Variants in MAG observed in about 807,000 individuals in gnomAD.
The protein encoded by MAG is myelin-associated glycoprotein.
MAG carries 30 observed loss-of-function variants against 60.7 expected under a neutral mutation model. That is an observed-to-expected ratio of 0.49 (90% CI 0.37 to 0.67). MAG has a LOEUF of 0.67. Ranked by LOEUF, MAG falls within the 30% of genes least tolerant of loss-of-function variation. The pLI is 0.00. For synonymous variants in MAG, 384 were observed against 376.8 expected (o/e 1.02, Z -0.22); for missense variants, 795 against 851.7 (o/e 0.93, Z 0.83).
At chr19:35,308,543 G>T (rs2066501530) in intron 7 of MAG, among the ~76,000 whole-genome samples, 3 of 151,962 alleles carry the variant, frequency 2.0e-5, no homozygotes, top group African/African-American at 7.3e-5. Flanking sequence ...ACCAGCATGG[G>T]GAACATAGCA....
rs201161483 is a variant in MAG, at chr19:35,313,488, C to T, written c.*34C>T. 1 of 1,571,726 alleles carries T rather than the reference C, an allele frequency of 6.4e-7. No homozygotes were observed. Among genetic ancestry groups the T allele is most frequent in the Non-Finnish European group, 8.6e-7 (1 of 1,160,562 alleles). ...GGGGCAGCCTGCGTGGCTGACCCCC[C>T]TCAGGACCCTCGCTGGCCCCCACTG... On this transcript the variant is annotated 3_prime_UTR_variant, in exon 11 of 11. Coordinates refer to ENST00000392213, the MANE Select transcript of MAG (RefSeq NM_002361.4).
chr19:35,308,601 T>G (rs1365095443), intron 7 of MAG, among the ~76,000 whole-genome samples: 1 of 152,142 alleles, frequency 6.6e-6, no homozygotes, highest in African/African-American at 2.4e-5. Flanking sequence ...GTAACTATCA[T>G]GAGTATGACA....
intron 7 of MAG, among the ~76,000 whole-genome samples, chr19:35,305,702 C>A (rs1444052193): frequency 6.6e-6 from 1 of 152,296 alleles, no homozygotes; most frequent in East Asian, 1.9e-4. Context: ...CACCTGTAGT[C>A]CCAGCACTTT....
intron 7 of MAG, among the ~76,000 whole-genome samples, chr19:35,308,936 G>A (rs935427566): frequency 1.5e-4 from 23 of 152,144 alleles, no homozygotes; most frequent in African/African-American, 5.6e-4. Context: ...TACTGCCACT[G>A]CACTTCAGCC....
chr19:35,296,706 C>T (rs73031717), intron 4 of MAG, among the ~76,000 whole-genome samples: 15,590 of 151,704 alleles, frequency 0.1, 988 homozygotes, highest in South Asian at 0.16. Context: ...ATGAGAGAGC[C>T]GGGTTCACCC....
chr19:35,312,018 G>C lies in MAG; in HGVS notation c.1716+1G>C, dbSNP rs2066531540. On this transcript the variant is annotated splice_donor_variant, in intron 10 of 10. Coordinates refer to ENST00000392213, the MANE Select transcript of MAG (RefSeq NM_002361.4). LOFTEE classifies it high-confidence loss of function. ...CTCTGGGGCACCAGAGAAGTACGAGGTAAGGACCAGGCTCCAGGCTGGCCT... is the reference window on the plus strand; with the variant it reads ...CTCTGGGGCACCAGAGAAGTACGAGCTAAGGACCAGGCTCCAGGCTGGCCT... The C allele has an allele frequency of 6.2e-7, 1 of 1,611,476 alleles. No individual in the cohort carries two copies. The highest frequency in any genetic ancestry group is 1.3e-5 in the African/African-American group (1 of 74,800).
rs202087211 is a variant in MAG, at chr19:35,300,374, G to A, written c.940G>A (p.Asp314Asn). The A allele has an allele frequency of 2.5e-6, 4 of 1,590,196 alleles. No homozygotes were observed. The African/African-American group carries it at 5.3e-5, about 21-fold the overall frequency. Residue 314 changes from aspartate to asparagine, a missense_variant, in exon 6 of 11, where the codon GAC becomes AAC. Physicochemically the swap from Asp to Asn is conservative, Grantham distance 23. Transcript: ENST00000392213. Reference sequence around the variant, plus strand: ...CCTGGCCGAGAATGCCTATGGCCAGGACAACCGCACCGTGGGGCTCAGTGT... The same window carrying A: ...CCTGGCCGAGAATGCCTATGGCCAGAACAACCGCACCGTGGGGCTCAGTGT... Reference protein sequence around the residue: ...ACLAENAYGQDNRTVGLSVMY... With the variant: ...ACLAENAYGQNNRTVGLSVMY...
chr19:35,307,702 C>T (rs895000231), intron 7 of MAG, among the ~76,000 whole-genome samples: 2 of 151,838 alleles, frequency 1.3e-5, no homozygotes, highest in Non-Finnish European at 2.9e-5. Flanking sequence ...ATAGTAATAA[C>T]AATAATAATA....
Sources: allele counts gnomAD v4.1 joint callset (sites outside exome capture counted in the v4.1 genomes callset), GRCh38; gene constraint gnomAD v4.1.1; transcripts MANE v1.5; gene names NCBI Gene and HGNC (gene_info 2026-07-23, HGNC 2026-07-21).